The following CDS2 variants were observed in gnomAD, a reference collection of about 807,000 sequenced individuals.
The protein encoded by CDS2 is phosphatidate cytidylyltransferase 2.
A neutral mutation model predicts 59.0 loss-of-function variants in CDS2; 47 were observed. That is an observed-to-expected ratio of 0.80 (90% CI 0.63 to 1.02). CDS2 has a LOEUF of 1.02. Among genes scored for constraint, CDS2 ranks in the 50% least tolerant of loss-of-function variants. The pLI is 0.00. For missense variants in CDS2, 356 were observed against 558.9 expected (o/e 0.64, Z 3.66); for synonymous variants, 207 against 206.4 (o/e 1.00, Z -0.02).
In CDS2 at chr20:5,197,070, G is replaced by A. The variant is rs1228917647; in HGVS notation, c.*6836G>A. 6.6e-6 allele frequency: 1 copy of A among 152,136 alleles called. No homozygotes were observed. The highest frequency in any genetic ancestry group is 1.5e-5 in the Non-Finnish European group (1 of 68,028). The allele number at this position is 152,136 out of a possible 1,614,324, so 9.4% of individuals were successfully genotyped here. A position where few individuals can be genotyped will look rare whatever the true frequency, so the allele number is the denominator to read the frequency against. ...CATACGAGTTGGGGACCAGAAATCT[G>A]GGCTCAGAGAACCCGTCCAGGGAGA... On this transcript the variant is annotated 3_prime_UTR_variant, in exon 13 of 13. Coordinates refer to ENST00000460006, the MANE Select transcript of CDS2 (RefSeq NM_003818.4).
chr20:5,167,833 A>T (rs1177659998), intron 1 of CDS2, among the ~76,000 whole-genome samples: 1 of 152,248 alleles, frequency 6.6e-6, no homozygotes, highest in Non-Finnish European at 1.5e-5. Flanking sequence ...TTGCATATAA[A>T]GCAGTGCAAA....
chr20:5,150,369 GT>G (rs1200056083), intron 1 of CDS2, among the ~76,000 whole-genome samples: 1 of 152,228 alleles, frequency 6.6e-6, no homozygotes, highest in African/African-American at 2.4e-5. Flanking sequence ...TTGAACCCAG[GT>G]GTGCTGAATC....
intron 11 of CDS2, 120 bp from the exon 12 acceptor site, chr20:5,189,615 C>G: frequency 1.4e-6 from 1 of 701,270 alleles, no homozygotes; most frequent in Non-Finnish European, 2.5e-6. Context: ...TTTCATACTT[C>G]TCACCTTCTA....
At chr20:5,177,162 A>G (rs565521720) in intron 4 of CDS2, among the ~76,000 whole-genome samples, 1 of 152,236 alleles carries the variant, frequency 6.6e-6, no homozygotes, top group East Asian at 1.9e-4. Flanking sequence ...TGGATTCCTT[A>G]AACTCTGCAT....
At chr20:5,182,209 T>C (rs2091037319) in intron 5 of CDS2, among the ~76,000 whole-genome samples, 178 bp from the exon 6 acceptor site, 2 of 152,238 alleles carry the variant, frequency 1.3e-5, no homozygotes, top group Admixed American at 1.3e-4. Flanking sequence ...TGGGAGGAGT[T>C]ATTTTTTCCT....
chr20:5,179,033 C>T, intron 5 of CDS2, 77 bp downstream of exon 5: 1 of 1,417,886 alleles, frequency 7.1e-7, no homozygotes, highest in African/African-American at 1.4e-5. Flanking sequence ...TGGGGAATTT[C>T]TTGGTTAGTA....
At chr20:5,137,716 G>A (rs1029953087) in intron 1 of CDS2, among the ~76,000 whole-genome samples, 4 of 151,672 alleles carry the variant, frequency 2.6e-5, no homozygotes, top group Admixed American at 6.6e-5. Context: ...TGGGAGGCTG[G>A]GGCAGGAGGA....
Position 5,184,710 on chromosome 20 carries a change from A to AT in CDS2, c.672-142dup. 2.9e-6 allele frequency: 2 copies of AT among 678,496 alleles called. No individual in the cohort carries two copies. The highest frequency in any genetic ancestry group is 3.5e-5 in the South Asian group (2 of 56,934). The allele number at this position is 678,496 out of a possible 1,614,324, so 42.0% of individuals were successfully genotyped here. ...AGGTACTAGGTATGACTTTTTTGGT[A>AT]TTTTTTATGTTTTTAACTTACTCCT... On this transcript the variant is annotated intron_variant, in intron 7 of 12. Transcript: ENST00000460006. This position sits in a 1 kb window ranked among gnomAD's most constrained non-coding sequence, Gnocchi z 4.3.
At chr20:5,175,158 C>G in intron 2 of CDS2, 25 bp from the exon 3 acceptor site, 1 of 1,579,664 alleles carries the variant, frequency 6.3e-7, no homozygotes, top group Non-Finnish European at 8.7e-7. Flanking sequence ...CTGGTGTTTT[C>G]TCCTTCCCCT....
Position 5,184,903 on chromosome 20 carries a change from CTA to C in CDS2, c.721_722del (p.Met241ValfsTer55), listed in dbSNP as rs753376234. On this transcript the variant is annotated frameshift_variant, in exon 8 of 13. Transcript: ENST00000460006. LOFTEE classifies it high-confidence loss of function. The surrounding 1 kb of genome is among the most constrained non-coding windows in gnomAD (Gnocchi z 4.3). ...GTGTGATCTGTAATGACATCATGGC[CTA>C]TATGTTTGGCTTTTTCTTTGGTCGG... ...SCVICNDIMAYMFGFFFGRTP... is the reference protein window; with the variant it reads ...SCVICNDIMAXMFGFFFGRTP... 6.2e-7 allele frequency: 1 copy of C among 1,613,908 alleles called. No individual in the cohort carries two copies. Among genetic ancestry groups the C allele is most frequent in the South Asian group, 1.1e-5 (1 of 91,076 alleles).
Position 5,149,746 on chromosome 20 carries a change from C to T in CDS2, c.57+22597C>T, listed in dbSNP as rs555556705. Among the ~76,000 whole-genome samples the T allele has an allele frequency of 3.7e-4, 56 of 151,422 alleles. 1 individual carries two copies. The highest frequency in any genetic ancestry group is 1.4e-3 in the African/African-American group (56 of 41,246). ...TTTTTGTTTTTTTGAGACAGAACGT[C>T]GCTCTTTTGCCGAGGCTGGAGTGAA... is the stretch of plus-strand genomic sequence containing the variant. On this transcript the variant is annotated intron_variant, in intron 1 of 12. Transcript: ENST00000460006.
intron 4 of CDS2, among the ~76,000 whole-genome samples, chr20:5,177,678 G>A (rs751836050): frequency 6.6e-6 from 1 of 152,150 alleles, no homozygotes; most frequent in African/African-American, 2.4e-5. Context: ...CGGCTGGAGA[G>A]CAGTGGTTTT....
chr20:5,135,637 AC>A (rs1244198243), intron 1 of CDS2, among the ~76,000 whole-genome samples: 2 of 151,838 alleles, frequency 1.3e-5, no homozygotes, highest in African/African-American at 4.8e-5. Context: ...CCCCACCCCC[AC>A]GTATGGTCCC....
chr20:5,137,166 T>TAA (rs1440025625), intron 1 of CDS2, among the ~76,000 whole-genome samples: 4 of 151,824 alleles, frequency 2.6e-5, no homozygotes, highest in Non-Finnish European at 5.9e-5. Flanking sequence ...CCCTGCTTGG[T>TAA]GCCTCTGTGT....
At chr20:5,136,977 C>A (rs933059685) in intron 1 of CDS2, among the ~76,000 whole-genome samples, 2 of 152,082 alleles carry the variant, frequency 1.3e-5, no homozygotes, top group South Asian at 4.1e-4. Context: ...GTCTCTTGTT[C>A]CCCTCTTTGT....
intron 1 of CDS2, among the ~76,000 whole-genome samples, chr20:5,144,917 A>G (rs148732184): frequency 2.2e-3 from 335 of 152,252 alleles, no homozygotes; most frequent in African/African-American, 7.8e-3. Context: ...AGTTACTACT[A>G]TTGTGAGTGG....
chr20:5,183,966 G>C (rs186522767), intron 7 of CDS2, among the ~76,000 whole-genome samples: 268 of 152,240 alleles, frequency 1.8e-3, no homozygotes, highest in Non-Finnish European at 2.2e-3. Flanking sequence ...GACCGGCCTG[G>C]GCAACATAGT....
At chr20:5,141,881 G>A (rs926340523) in intron 1 of CDS2, among the ~76,000 whole-genome samples, 2 of 152,106 alleles carry the variant, frequency 1.3e-5, no homozygotes, top group African/African-American at 2.4e-5. Context: ...GAAGTCTTCT[G>A]TGATTGTTGT....
chr20:5,144,002 T>C (rs2090718685), intron 1 of CDS2, among the ~76,000 whole-genome samples: 1 of 152,108 alleles, frequency 6.6e-6, no homozygotes, highest in Non-Finnish European at 1.5e-5. Context: ...TGGCCTCAAG[T>C]GATCCGCCCA....
Sources: allele counts gnomAD v4.1 joint callset (sites outside exome capture counted in the v4.1 genomes callset), GRCh38; gene constraint gnomAD v4.1.1; non-coding constraint Gnocchi (gnomAD v3.1); transcripts MANE v1.5; gene names NCBI Gene and HGNC (gene_info 2026-07-23, HGNC 2026-07-21).